Variants in CREB5 observed in about 807,000 individuals in gnomAD.
CREB5 encodes the protein cyclic AMP-responsive element-binding protein 5.
Under a neutral mutation model 57.1 loss-of-function variants are expected in CREB5, and 19 were observed. That is an observed-to-expected ratio of 0.33 (90% confidence interval 0.23 to 0.49). CREB5 has a LOEUF of 0.49. Ranked by LOEUF, CREB5 falls within the 20% of genes least tolerant of loss-of-function variation. CREB5 has a pLI of 0.99. For synonymous variants in CREB5, 238 were observed against 238.3 expected (o/e 1.00, Z 0.01); for missense variants, 579 against 671.6 (o/e 0.86, Z 1.52).
chr7:28,736,860 T>A (rs1804012821), intron 7 of CREB5, among the ~76,000 whole-genome samples: 1 of 150,904 alleles, frequency 6.6e-6, no homozygotes, highest in African/African-American at 2.4e-5. Flanking sequence ...GCCCCTGATG[T>A]TCCTCTGTGG....
At position 28,825,241 on chromosome 7, in the gene CREB5, G is replaced by C. The variant is rs1006672315; in HGVS notation, c.*5962G>C. On this transcript the variant is annotated 3_prime_UTR_variant, in exon 11 of 11. Coordinates refer to ENST00000357727, the MANE Select transcript of CREB5 (RefSeq NM_182898.4). ...TAAGAGAAAGGACCCTTCCCAACCA[G>C]CAGCCAGTAGAAAATACAACCTACT... 1.0e-4 allele frequency: 16 copies of C among 152,508 alleles called. No homozygotes were observed. Among genetic ancestry groups the C allele is most frequent in the African/African-American group, 3.4e-4 (14 of 41,436 alleles). 9.4% of individuals were successfully genotyped at this position (152,508 alleles called of 1,614,324 possible). A position where few individuals can be genotyped will look rare whatever the true frequency, so the allele number is the denominator to read the frequency against.
chr7:28,483,885 TGA>T (rs1204904274), intron 1 of CREB5, among the ~76,000 whole-genome samples: 3 of 152,194 alleles, frequency 2.0e-5, no homozygotes, highest in Non-Finnish European at 2.9e-5. Flanking sequence ...ACAGGTAGAC[TGA>T]GTGATCCCCA....
At chr7:28,617,957 A>G (rs758701145) in intron 5 of CREB5, among the ~76,000 whole-genome samples, 4 of 152,216 alleles carry the variant, frequency 2.6e-5, no homozygotes, top group Non-Finnish European at 5.9e-5. Flanking sequence ...TAGGGCAGAG[A>G]CATTTGACAT....
At chr7:28,634,355 T>C (rs1026786664) in intron 5 of CREB5, among the ~76,000 whole-genome samples, 5 of 152,240 alleles carry the variant, frequency 3.3e-5, no homozygotes, top group Non-Finnish European at 7.3e-5. Flanking sequence ...TATTTTTTAA[T>C]GGGAAGGGTA....
intron 5 of CREB5, among the ~76,000 whole-genome samples, chr7:28,638,141 A>G (rs759878952): frequency 6.6e-6 from 1 of 152,024 alleles, no homozygotes; most frequent in African/African-American, 2.4e-5. Flanking sequence ...TTGTATGCCA[A>G]ATGAGGTTTA....
chr7:28,523,207 T>C (rs1307922005), intron 4 of CREB5, among the ~76,000 whole-genome samples: 2 of 152,194 alleles, frequency 1.3e-5, no homozygotes, highest in Non-Finnish European at 2.9e-5. Context: ...TTGGGTGTCA[T>C]AGGAGTTTTG....
chr7:28,396,647 T>A (rs1787341891), intron 1 of CREB5, among the ~76,000 whole-genome samples: 2 of 152,184 alleles, frequency 1.3e-5, no homozygotes, highest in Admixed American at 1.3e-4. Flanking sequence ...AAATATATTT[T>A]TTTCTATAAG....
At chr7:28,602,469 T>C (rs1307680606) in intron 5 of CREB5, among the ~76,000 whole-genome samples, 1 of 152,200 alleles carries the variant, frequency 6.6e-6, no homozygotes, top group African/African-American at 2.4e-5. Context: ...AACCAAAGTG[T>C]GGTACATTCA....
intron 5 of CREB5, among the ~76,000 whole-genome samples, chr7:28,710,444 A>G (rs1802346436): frequency 6.6e-6 from 1 of 152,222 alleles, no homozygotes; most frequent in African/African-American, 2.4e-5. Flanking sequence ...TATCAGACTC[A>G]TGAAGTTTAT....
intron 7 of CREB5, among the ~76,000 whole-genome samples, chr7:28,726,021 G>A (rs940817747): frequency 5.3e-5 from 8 of 152,130 alleles, no homozygotes; most frequent in East Asian, 1.9e-4. Context: ...TTATTTATAC[G>A]TATGAAATAA....
At chr7:28,713,085 C>G (rs1042730598) in intron 5 of CREB5, among the ~76,000 whole-genome samples, 6 of 152,100 alleles carry the variant, frequency 3.9e-5, no homozygotes, top group African/African-American at 1.4e-4. Flanking sequence ...TAAAGTCTCG[C>G]TCTGTTGCCC....
rs541914270 is a variant in CREB5, at chr7:28,452,356, A to T, written c.4-35819A>T. ...TTTATAGTAAATCATTACAATTTGCAATGAATTTTATAGACTAAAAAACCC... is the reference window on the plus strand; with the variant it reads ...TTTATAGTAAATCATTACAATTTGCTATGAATTTTATAGACTAAAAAACCC... On this transcript the variant is annotated intron_variant, in intron 1 of 10. Transcript: ENST00000357727. 3.3e-5 allele frequency among the ~76,000 whole-genome samples: 5 copies of T among 152,328 alleles called. 1 individual carries two copies. In the South Asian group the frequency reaches 8.3e-4, roughly 25 times the overall value.
At chr7:28,396,078 A>C (rs1787328477) in intron 1 of CREB5, among the ~76,000 whole-genome samples, 1 of 152,236 alleles carries the variant, frequency 6.6e-6, no homozygotes, top group Non-Finnish European at 1.5e-5. Flanking sequence ...AAACATTTGC[A>C]AATGAGCATG....
At chr7:28,784,600 C>G (rs1013850884) in intron 7 of CREB5, among the ~76,000 whole-genome samples, 1 of 151,986 alleles carries the variant, frequency 6.6e-6, no homozygotes, top group Non-Finnish European at 1.5e-5. Flanking sequence ...TCCTTAAGCC[C>G]CAGCACGGCA....
At chr7:28,817,321 G>A (rs1180312671) in intron 9 of CREB5, among the ~76,000 whole-genome samples, 2 of 152,170 alleles carry the variant, frequency 1.3e-5, no homozygotes, top group African/African-American at 2.4e-5. Context: ...GTGGGCATCA[G>A]GCAGGTAGAT....
chr7:28,636,967 A>G (rs1393626298), intron 5 of CREB5, among the ~76,000 whole-genome samples: 1 of 152,022 alleles, frequency 6.6e-6, no homozygotes, highest in Non-Finnish European at 1.5e-5. Flanking sequence ...GAGTCTGGGC[A>G]ACATAGTGAA....
At chr7:28,442,519 G>GA (rs1354675544) in intron 1 of CREB5, among the ~76,000 whole-genome samples, 4 of 151,988 alleles carry the variant, frequency 2.6e-5, no homozygotes, top group African/African-American at 9.7e-5. Context: ...TGTTTTTTGA[G>GA]AAACTTTCAT....
At chr7:28,367,232 T>A (rs1786606031) in intron 1 of CREB5, among the ~76,000 whole-genome samples, 1 of 152,162 alleles carries the variant, frequency 6.6e-6, no homozygotes, top group African/African-American at 2.4e-5. Context: ...CTTCAACTAC[T>A]GGCCATAGGT....
intron 5 of CREB5, chr7:28,686,026 A>C: frequency 3.9e-6 from 4 of 1,018,812 alleles, no homozygotes; most frequent in African/African-American, 1.6e-5. Flanking sequence ...AGCCAGAGCT[A>C]GGCGCAAAAG....
Sources: gnomAD v4.1 joint callset for allele counts (sites outside exome capture counted in the v4.1 genomes callset) on GRCh38, gnomAD v4.1.1 for gene constraint, MANE v1.5 for transcripts, NCBI Gene and HGNC (gene_info 2026-07-23, HGNC 2026-07-21) for gene names.